Variants in MDGA1 observed in about 807,000 individuals in gnomAD.
MDGA1 encodes MAM domain containing glycosylphosphatidylinositol anchor 1.
MDGA1 carries 54 observed loss-of-function variants against 101.5 expected under a neutral mutation model. That is an observed-to-expected ratio of 0.53 (90% confidence interval 0.43 to 0.67). MDGA1 has a LOEUF of 0.67. Ranked by LOEUF, MDGA1 falls within the 30% of genes least tolerant of loss-of-function variation. The pLI, the probability that MDGA1 is intolerant of heterozygous loss-of-function variation, is 0.00. For missense variants in MDGA1, 1,083 were observed against 1,323.8 expected, an observed-to-expected ratio of 0.82 and a Z score of 2.82; for synonymous variants, 533 against 558.3, an observed-to-expected ratio of 0.95 and a Z score of 0.64.
At position 37,651,254 on chromosome 6, in the gene MDGA1, G is replaced by A. The variant is rs150431236; in HGVS notation, c.1312+757C>T. Among the ~76,000 whole-genome samples, 21 of 152,272 alleles carry A rather than the reference G, an allele frequency of 1.4e-4. No individual in the cohort carries two copies. The East Asian group carries it at 2.7e-3, about 20-fold the overall frequency. On this transcript the variant is annotated intron_variant, in intron 7 of 16. Coordinates refer to ENST00000434837, the MANE Select transcript of MDGA1 (RefSeq NM_153487.4). ...AACACTGTTAATTTCTTTTATTCAC[G>A]GCAGAACTTAATTCAACCCAACACA...
chr6:37,666,137 G>A (rs934487126), intron 1 of MDGA1, among the ~76,000 whole-genome samples: 1 of 150,910 alleles, frequency 6.6e-6, no homozygotes, highest in African/African-American at 2.5e-5. Context: ...CACGAGGTCA[G>A]GAGTTCAAGA....
intron 1 of MDGA1, among the ~76,000 whole-genome samples, chr6:37,684,574 C>A (rs1297029299): frequency 6.6e-6 from 1 of 152,236 alleles, no homozygotes; most frequent in Non-Finnish European, 1.5e-5. Flanking sequence ...TGGCTTTTAA[C>A]TTCAGCCTCG....
rs114370637 is a variant in MDGA1 at position 37,640,366 on chromosome 6, C to T, written c.2537-1699G>A. On this transcript the variant is annotated intron_variant, in intron 14 of 16. Transcript: ENST00000434837. ...TAGTGAGCAAAGCTCATTCTTTTTT[C>T]GGAGGGGGCGGTGCGGGGACAGGGT... 6.7e-3 allele frequency among the ~76,000 whole-genome samples: 1,012 copies of T among 151,336 alleles called. 9 individuals carry two copies. The highest frequency in any genetic ancestry group is 0.023 in the African/African-American group (931 of 41,240).
rs540023200 is a variant in MDGA1 at position 37,694,678 on chromosome 6, TC to T, written c.67+2066del. Among the ~76,000 whole-genome samples, 481 of 152,208 alleles carry T rather than the reference TC, an allele frequency of 3.2e-3. 3 individuals are homozygous for T. Among genetic ancestry groups the T allele is most frequent in the Middle Eastern group, 0.01 (3 of 294 alleles). ...CGACCTCCTGTCATCCTCCTCCTCC[TC>T]CTCCTAAATCTTCTGCCTTCATCCA... On this transcript the variant is annotated intron_variant, in intron 1 of 16. Transcript: ENST00000434837.
chr6:37,638,657 G>T lies in MDGA1; in HGVS notation c.2547C>A (p.Asn849Lys). Residue 849 changes from asparagine (N) to lysine (K), a missense_variant, in exon 15 of 17, where the codon AAC becomes AAA. Transcript: ENST00000434837. This position sits in a 1 kb window ranked among gnomAD's most constrained non-coding sequence, Gnocchi z 4.8. Reference sequence around the variant, plus strand: ...CTTTGTTCCGGGACCGCACCAGGAGGTTGAGGGAGCCTGCGGTGGGTGTGA... The same window carrying T: ...CTTTGTTCCGGGACCGCACCAGGAGTTTGAGGGAGCCTGCGGTGGGTGTGA... ...HMYGKHIGSL[N>K]LLVRSRNKGA... is the part of the protein sequence containing the mutation. 6.2e-7 allele frequency: 1 copy of T among 1,613,374 alleles called. No individual in the cohort carries two copies. Among genetic ancestry groups the T allele is most frequent in the Non-Finnish European group, 8.5e-7 (1 of 1,179,648 alleles).
In MDGA1 at chr6:37,662,182, T is replaced by C. The variant is rs1270802789; in HGVS notation, c.207+1785A>G. On this transcript the variant is annotated intron_variant, in intron 2 of 16. Transcript: ENST00000434837. ...GTCTCGAAAAAAAAAAAAAAATAGATGGGAGGAGGGGTGAGGTGAGAGATT... is the reference window on the plus strand; with the variant it reads ...GTCTCGAAAAAAAAAAAAAAATAGACGGGAGGAGGGGTGAGGTGAGAGATT... 2.3e-5 allele frequency among the ~76,000 whole-genome samples: 3 copies of C among 128,306 alleles called. No individual in the cohort carries two copies. In the East Asian group the frequency reaches 6.8e-4, roughly 29 times the overall value. The allele number at this position is 128,306 out of a possible 152,430, so 84.2% of individuals were successfully genotyped here.
intron 1 of MDGA1, among the ~76,000 whole-genome samples, chr6:37,694,604 T>C (rs1196225419): frequency 6.6e-6 from 1 of 152,180 alleles, no homozygotes; most frequent in Non-Finnish European, 1.5e-5. Flanking sequence ...ACAGAGATCC[T>C]CCCTTCTGCT....
rs1400374873 is a variant in MDGA1 at position 37,631,906 on chromosome 6, A to G, written c.*5462T>C. On this transcript the variant is annotated 3_prime_UTR_variant, in exon 17 of 17. Coordinates refer to ENST00000434837, the MANE Select transcript of MDGA1 (RefSeq NM_153487.4). ...AGAGATTAAGAGGGAAGGGACTCCA[A>G]GCGTGTAGGAGGGATGGTAGGGTTG... The G allele has an allele frequency of 1.3e-5, 2 of 152,192 alleles. No individual in the cohort carries two copies. The highest frequency in any genetic ancestry group is 2.4e-5 in the African/African-American group (1 of 41,410). 9.4% of individuals were successfully genotyped at this position (152,192 alleles called of 1,614,324 possible).
intron 1 of MDGA1, among the ~76,000 whole-genome samples, chr6:37,686,616 G>A (rs939906674): frequency 6.6e-6 from 1 of 151,946 alleles, no homozygotes; most frequent in Non-Finnish European, 1.5e-5. Context: ...TAGTAGAGAC[G>A]GGGTTTCACC....
At chr6:37,695,117 C>G (rs990308980) in intron 1 of MDGA1, among the ~76,000 whole-genome samples, 1 of 152,024 alleles carries the variant, frequency 6.6e-6, no homozygotes, top group Admixed American at 6.5e-5. Context: ...TGGGTCTTGC[C>G]AAATGCACCC....
intron 1 of MDGA1, among the ~76,000 whole-genome samples, chr6:37,670,693 A>ATG (rs1761850204): frequency 6.6e-6 from 1 of 152,246 alleles, no homozygotes; most frequent in African/African-American, 2.4e-5. Flanking sequence ...AGCCGTTTGC[A>ATG]TGAAAGGACC....
Position 37,635,927 on chromosome 6 carries a change from G to C in MDGA1, c.*1441C>G. 2.5e-6 allele frequency: 1 copy of C among 396,626 alleles called. No individual in the cohort carries two copies. The highest frequency in any genetic ancestry group is 3.6e-5 in the East Asian group (1 of 27,932). The allele number at this position is 396,626 out of a possible 1,614,324, so 24.6% of individuals were successfully genotyped here. ...CACGGACATTCATAGAAACGAATGGGTCTCAATCCAGTCTCACAGGCAGAT... is the reference window on the plus strand; with the variant it reads ...CACGGACATTCATAGAAACGAATGGCTCTCAATCCAGTCTCACAGGCAGAT... On this transcript the variant is annotated 3_prime_UTR_variant, in exon 17 of 17. Coordinates refer to ENST00000434837, the MANE Select transcript of MDGA1 (RefSeq NM_153487.4).
Position 37,655,047 on chromosome 6 carries a change from C to T in MDGA1, c.580-115G>A, listed in dbSNP as rs553848161. 6.9e-5 allele frequency: 88 copies of T among 1,282,110 alleles called. No individual in the cohort carries two copies. The African/African-American group carries it at 1.1e-3, about 17-fold the overall frequency. 79.4% of individuals were successfully genotyped at this position (1,282,110 alleles called of 1,614,324 possible). On this transcript the variant is annotated intron_variant, in intron 4 of 16. Coordinates refer to ENST00000434837, the MANE Select transcript of MDGA1 (RefSeq NM_153487.4). The surrounding 1 kb of genome is among the most constrained non-coding windows in gnomAD (Gnocchi z 5.1). ...AAATGCCTGTCTAATTCCTCTCTTT[C>T]CATCCCCAACCCCACCCTCACCATT...
rs1761459967 is a variant in MDGA1 at position 37,655,352 on chromosome 6, C to G, written c.579+348G>C. 2 of 333,280 alleles carry G rather than the reference C, an allele frequency of 6.0e-6. No homozygotes were observed. 20.6% of individuals were successfully genotyped at this position (333,280 alleles called of 1,614,324 possible). A position where few individuals can be genotyped will look rare whatever the true frequency, so the allele number is the denominator to read the frequency against. On this transcript the variant is annotated intron_variant, in intron 4 of 16. Transcript: ENST00000434837. This position sits in a 1 kb window ranked among gnomAD's most constrained non-coding sequence, Gnocchi z 5.1. ...TATCAGGGCCCATGGGAAGAGGAGT[C>G]ATCTCCTCGCCCCCAGATCCTGCTG...
chr6:37,637,342 T>G lies in MDGA1; in HGVS notation c.*26A>C. ...ACACTTTGGTGTGCCGGGGGCAAGGTTGGGGGGGTGGCCACACAGCTCTCA... is the reference window on the plus strand; with the variant it reads ...ACACTTTGGTGTGCCGGGGGCAAGGGTGGGGGGGTGGCCACACAGCTCTCA... On this transcript the variant is annotated 3_prime_UTR_variant, in exon 17 of 17. Coordinates refer to ENST00000434837, the MANE Select transcript of MDGA1 (RefSeq NM_153487.4). The G allele has an allele frequency of 2.0e-6, 3 of 1,523,882 alleles. No individual in the cohort carries two copies. The highest frequency in any genetic ancestry group is 9.0e-7 in the Non-Finnish European group (1 of 1,109,412). The allele number at this position is 1,523,882 out of a possible 1,614,324, so 94.4% of individuals were successfully genotyped here. A position where few individuals can be genotyped will look rare whatever the true frequency, so the allele number is the denominator to read the frequency against.
intron 9 of MDGA1, chr6:37,648,768 G>T: frequency 1.1e-6 from 1 of 892,234 alleles, no homozygotes; most frequent in Non-Finnish European, 1.6e-6. Flanking sequence ...TGGAGGGCGG[G>T]GCTGGGAGGC....
In MDGA1 at chr6:37,638,619, G is replaced by A. The variant is rs753709998; in HGVS notation, c.2585C>T (p.Thr862Met). ...VRSRNKGALDTHAWSLSGNKG... is the reference protein window; with the variant it reads ...VRSRNKGALDMHAWSLSGNKG... ...ATTGCCACTGAGAGACCAGGCGTGCGTGTCCAGAGCCCCTTTGTTCCGGGA... is the reference window on the plus strand; with the variant it reads ...ATTGCCACTGAGAGACCAGGCGTGCATGTCCAGAGCCCCTTTGTTCCGGGA... Residue 862 changes from threonine to methionine, a missense_variant, in exon 15 of 17, where the codon ACG becomes ATG. By Grantham distance (81) the Thr-to-Met change is moderately conservative. Coordinates refer to ENST00000434837, the MANE Select transcript of MDGA1 (RefSeq NM_153487.4). The surrounding 1 kb of genome is among the most constrained non-coding windows in gnomAD (Gnocchi z 4.8). The A allele has an allele frequency of 6.2e-6, 10 of 1,613,936 alleles. No homozygotes were observed. The highest frequency in any genetic ancestry group is 2.2e-5 in the East Asian group (1 of 44,878).
At chr6:37,683,216 A>G (rs1482622852) in intron 1 of MDGA1, among the ~76,000 whole-genome samples, 3 of 152,194 alleles carry the variant, frequency 2.0e-5, no homozygotes, top group African/African-American at 7.2e-5. Context: ...GAATTCTATC[A>G]GGAGAGTCTT....
chr6:37,687,602 G>C (rs1216033544), intron 1 of MDGA1, among the ~76,000 whole-genome samples: 1 of 151,930 alleles, frequency 6.6e-6, no homozygotes, highest in African/African-American at 2.4e-5. Flanking sequence ...ACATTGAATT[G>C]CTACTTTGTT....
Sources: allele counts gnomAD v4.1 joint callset (sites outside exome capture counted in the v4.1 genomes callset), GRCh38; gene constraint gnomAD v4.1.1; non-coding constraint Gnocchi (gnomAD v3.1); transcripts MANE v1.5; gene names NCBI Gene and HGNC (gene_info 2026-07-23, HGNC 2026-07-21).